ST3GAL1: variants seen among roughly 807,000 people sequenced by gnomAD.
ST3GAL1 encodes the protein CMP-N-acetylneuraminate-beta-galactosamide-alpha-2,3-sialyltransferase 1.
In ST3GAL1, 16 loss-of-function variants were observed where a neutral mutation model predicts 34.1. That is an observed-to-expected ratio of 0.47 (90% CI 0.32 to 0.71). ST3GAL1 has a LOEUF of 0.71. Ranked by LOEUF, ST3GAL1 falls within the 30% of genes least tolerant of loss-of-function variation. The pLI, the probability that ST3GAL1 is intolerant of heterozygous loss-of-function variation, is 0.04. For synonymous variants in ST3GAL1, 191 were observed against 184.7 expected, an observed-to-expected ratio of 1.03 and a Z score of -0.28; for missense variants, 353 against 447.4, an observed-to-expected ratio of 0.79 and a Z score of 1.90.
intron 1 of ST3GAL1, among the ~76,000 whole-genome samples, chr8:133,555,200 C>T (rs1353998158): frequency 2.0e-5 from 3 of 152,106 alleles, no homozygotes; most frequent in Non-Finnish European, 4.4e-5. Flanking sequence ...TTTTCTTCAC[C>T]CGTCTCAGCC....
At chr8:133,462,119 A>C (rs951498419) in intron 8 of ST3GAL1, 125 bp from the exon 9 acceptor site, 7 of 1,399,174 alleles carry the variant, frequency 5.0e-6, no homozygotes, top group African/African-American at 1.4e-5. Flanking sequence ...ATACGCCTGC[A>C]CTTGTGGGCT....
intron 2 of ST3GAL1, among the ~76,000 whole-genome samples, chr8:133,513,406 T>C (rs1409498502): frequency 1.3e-5 from 2 of 152,226 alleles, no homozygotes; most frequent in Non-Finnish European, 2.9e-5. Flanking sequence ...TCTAGTTTTT[T>C]GTTTTTCTTT....
At chr8:133,557,953 G>C (rs1304469352) in intron 1 of ST3GAL1, among the ~76,000 whole-genome samples, 1 of 151,026 alleles carries the variant, frequency 6.6e-6, no homozygotes. Context: ...TCCCCCTCAT[G>C]GCTAAAATCT....
chr8:133,524,302 GAA>G (rs1817897136), intron 2 of ST3GAL1, among the ~76,000 whole-genome samples: 2 of 152,228 alleles, frequency 1.3e-5, no homozygotes, highest in Non-Finnish European at 2.9e-5. Context: ...CTCCCAGCTA[GAA>G]AGTGGTAGAG....
At chr8:133,490,822 G>C (rs1816762908) in intron 3 of ST3GAL1, among the ~76,000 whole-genome samples, 1 of 152,186 alleles carries the variant, frequency 6.6e-6, no homozygotes, top group Admixed American at 6.5e-5. Flanking sequence ...GGCACATCGT[G>C]GCTGGACTGG....
At chr8:133,528,043 C>T (rs991951483) in intron 2 of ST3GAL1, among the ~76,000 whole-genome samples, 5 of 151,604 alleles carry the variant, frequency 3.3e-5, no homozygotes, top group Admixed American at 2.0e-4. Flanking sequence ...GGTGTGGTGG[C>T]GCACACCTGT....
intron 3 of ST3GAL1, among the ~76,000 whole-genome samples, chr8:133,492,788 T>C (rs1217026251): frequency 6.6e-6 from 1 of 152,170 alleles, no homozygotes; most frequent in African/African-American, 2.4e-5. Flanking sequence ...ATGCTAAGAA[T>C]CTACCTTTCG....
intron 7 of ST3GAL1, among the ~76,000 whole-genome samples, chr8:133,464,486 G>C (rs1815649665): frequency 6.6e-6 from 1 of 152,238 alleles, no homozygotes; most frequent in African/African-American, 2.4e-5. Context: ...AACTCACATG[G>C]GCTGACCCTT....
At chr8:133,495,737 A>G (rs1210196182) in intron 3 of ST3GAL1, among the ~76,000 whole-genome samples, 1 of 152,176 alleles carries the variant, frequency 6.6e-6, no homozygotes, top group African/African-American at 2.4e-5. Context: ...TTCCTGTCCT[A>G]TATCGTAACC....
chr8:133,465,789 C>T, intron 6 of ST3GAL1, 105 bp downstream of exon 6: 2 of 1,324,182 alleles, frequency 1.5e-6, no homozygotes, highest in Non-Finnish European at 2.1e-6. Context: ...AGTTCAGTCC[C>T]AGGACTGAAC....
intron 7 of ST3GAL1, among the ~76,000 whole-genome samples, chr8:133,463,957 C>A (rs988911872): frequency 1.7e-4 from 25 of 149,306 alleles, no homozygotes; most frequent in Non-Finnish European, 3.6e-4. Context: ...CTGGGTCCCA[C>A]CCCACCCCAC....
At chr8:133,517,678 G>C (rs1010534062) in intron 2 of ST3GAL1, among the ~76,000 whole-genome samples, 25 of 152,182 alleles carry the variant, frequency 1.6e-4, no homozygotes, top group Non-Finnish European at 2.9e-5. Context: ...GTCCATCATG[G>C]TCACTAACTC....
chr8:133,562,085 A>C (rs1397179915), intron 1 of ST3GAL1, among the ~76,000 whole-genome samples: 1 of 152,146 alleles, frequency 6.6e-6, no homozygotes, highest in East Asian at 1.9e-4. Context: ...GTCTCCAAAA[A>C]TAAAAATAAA....
rs145563767 is a variant in ST3GAL1 at position 133,527,105 on chromosome 8, A to C, written c.-429+18669T>G. 4.3e-3 allele frequency among the ~76,000 whole-genome samples: 657 copies of C among 152,248 alleles called. 3 individuals carry two copies. The highest frequency in any genetic ancestry group is 0.015 in the African/African-American group (624 of 41,546). ...AACTAAGGTGCAAGTTCGTACTGTC[A>C]CTTCTTTGTGAAGGGGCTGCTCTTT... On this transcript the variant is annotated intron_variant, in intron 2 of 9. Coordinates refer to ENST00000522652, the MANE Select transcript of ST3GAL1 (RefSeq NM_173344.3).
chr8:133,546,866 G>A (rs1304393504), intron 1 of ST3GAL1, among the ~76,000 whole-genome samples: 3 of 152,040 alleles, frequency 2.0e-5, no homozygotes, highest in Non-Finnish European at 2.9e-5. Flanking sequence ...AGGTGTGGTG[G>A]CACATGGCGC....
chr8:133,541,116 T>TAGAGAGAGAGAGAGAG lies in ST3GAL1; in HGVS notation c.-429+4657_-429+4658insCTCTCTCTCTCTCTCT, dbSNP rs1287760256. Among the ~76,000 whole-genome samples, 311 of 48,468 alleles carry TAGAGAGAGAGAGAGAG rather than the reference T, an allele frequency of 6.4e-3. 21 individuals carry two copies. The highest frequency in any genetic ancestry group is 8.4e-3 in the Non-Finnish European group (228 of 27,010). 31.8% of individuals were successfully genotyped at this position (48,468 alleles called of 152,430 possible). On this transcript the variant is annotated intron_variant, in intron 2 of 9. Coordinates refer to ENST00000522652, the MANE Select transcript of ST3GAL1 (RefSeq NM_173344.3). ...ATAAACATATATATATATATATATATATATAGAGAGAGAGAGAGAGAGAGA... is the reference window on the plus strand; with the variant it reads ...ATAAACATATATATATATATATATATAGAGAGAGAGAGAGAGATATAGAGAGAGAGAGAGAGAGAGA...
chr8:133,492,320 G>A (rs542981322), intron 3 of ST3GAL1, among the ~76,000 whole-genome samples: 21 of 152,284 alleles, frequency 1.4e-4, no homozygotes, highest in Admixed American at 4.6e-4. Context: ...ACTGGGTCCT[G>A]TCCCTAAAGT....
chr8:133,533,149 C>T (rs1182443880), intron 2 of ST3GAL1, among the ~76,000 whole-genome samples: 1 of 152,172 alleles, frequency 6.6e-6, no homozygotes, highest in Non-Finnish European at 1.5e-5. Flanking sequence ...CCCCCAGCGC[C>T]CCCGCAGTCC....
rs577246639 is a variant in ST3GAL1 at position 133,556,993 on chromosome 8, G to A, written c.-581-11067C>T. 2.0e-5 allele frequency among the ~76,000 whole-genome samples: 3 copies of A among 152,280 alleles called. No homozygotes were observed. The highest frequency in any genetic ancestry group is 2.1e-4 in the South Asian group (1 of 4,828). On this transcript the variant is annotated intron_variant, in intron 1 of 9. Transcript: ENST00000522652. This position sits in a 1 kb window ranked among gnomAD's most constrained non-coding sequence, Gnocchi z 8.9. ...GGAAACATTGTGACATGGTGGAAAG[G>A]GGTATGTGACAACCCCCCAACCTGA...
Sources: gnomAD v4.1 joint callset for allele counts (sites outside exome capture counted in the v4.1 genomes callset) on GRCh38, gnomAD v4.1.1 for gene constraint, Gnocchi (gnomAD v3.1) non-coding constraint, MANE v1.5 for transcripts, NCBI Gene and HGNC (gene_info 2026-07-23, HGNC 2026-07-21) for gene names.